Variants in LINGO2 observed in about 807,000 individuals in gnomAD.
The protein encoded by LINGO2 is leucine-rich repeat and immunoglobulin-like domain-containing nogo receptor-interacting protein 2.
In LINGO2, 14 loss-of-function variants were observed where a neutral mutation model predicts 30.6. The ratio of observed to expected loss-of-function variants is 0.46; its 90% CI spans 0.30 to 0.72. The LOEUF (loss-of-function observed/expected upper bound fraction) is 0.72, where lower values mean the gene tolerates loss of function less well. LINGO2 is among the 30% of genes least tolerant of loss of function. LINGO2 has a pLI of 0.07. For missense variants in LINGO2, 729 were observed against 751.7 expected, an observed-to-expected ratio of 0.97 and a Z score of 0.35; for synonymous variants, 317 against 288.5, an observed-to-expected ratio of 1.10 and a Z score of -1.00.
chr9:28,015,625 A>G (rs1563914300), intron 4 of LINGO2, among the ~76,000 whole-genome samples: 1 of 152,146 alleles, frequency 6.6e-6, no homozygotes, highest in African/African-American at 2.4e-5. Flanking sequence ...TTTTGGAAAG[A>G]ATCACAACTA....
the LINGO2 span, among the ~76,000 whole-genome samples, chr9:29,015,915 C>T: frequency 9.9e-5 from 15 of 152,188 alleles, no homozygotes; most frequent in South Asian, 2.1e-3. Flanking sequence ...ATTCAACCCC[C>T]TTCATCACGT....
At chr9:28,056,821 A>G (rs1388819410) in intron 4 of LINGO2, among the ~76,000 whole-genome samples, 3 of 152,206 alleles carry the variant, frequency 2.0e-5, no homozygotes, top group Admixed American at 2.0e-4. Context: ...ATGAAGTGTC[A>G]TTGTGTCTTT....
chr9:27,939,788 T>C, the LINGO2 span: 2 of 152,210 alleles, frequency 1.3e-5, no homozygotes, highest in Non-Finnish European at 2.9e-5. Context: ...ACTAGCATAC[T>C]TGATCTCTTG....
chr9:28,346,246 C>T (rs1819562697), intron 3 of LINGO2, among the ~76,000 whole-genome samples: 2 of 152,214 alleles, frequency 1.3e-5, no homozygotes, highest in Admixed American at 1.3e-4. Flanking sequence ...TGTTCCTCTC[C>T]CAGTATCCAT....
At chr9:29,009,270 T>C in the LINGO2 span, among the ~76,000 whole-genome samples, 1 of 152,198 alleles carries the variant, frequency 6.6e-6, no homozygotes, top group Non-Finnish European at 1.5e-5. Context: ...GACATGATTG[T>C]ATATTTAGAG....
At chr9:28,431,597 CT>C (rs1480922255) in intron 2 of LINGO2, among the ~76,000 whole-genome samples, 3 of 152,132 alleles carry the variant, frequency 2.0e-5, no homozygotes, top group Admixed American at 2.0e-4. Context: ...GATTCAATAA[CT>C]CATGTATAAG....
chr9:28,962,715 T>G, the LINGO2 span, among the ~76,000 whole-genome samples: 1 of 151,882 alleles, frequency 6.6e-6, no homozygotes, highest in Middle Eastern at 3.5e-3. Context: ...TTATCATATA[T>G]ACATCTATTA....
intron 4 of LINGO2, among the ~76,000 whole-genome samples, chr9:28,246,394 T>C (rs1286030581): frequency 6.6e-6 from 1 of 152,036 alleles, no homozygotes; most frequent in Non-Finnish European, 1.5e-5. Context: ...GCCACTGCAC[T>C]CCAGTCTGGG....
the LINGO2 span, among the ~76,000 whole-genome samples, chr9:29,116,931 G>A: frequency 3.3e-5 from 5 of 152,048 alleles, no homozygotes; most frequent in East Asian, 7.7e-4. Flanking sequence ...AGTAGGGGTC[G>A]TCTAATGTTC....
chr9:29,075,635 G>A, the LINGO2 span, among the ~76,000 whole-genome samples: 2 of 152,046 alleles, frequency 1.3e-5, no homozygotes, highest in African/African-American at 2.4e-5. Context: ...TCTCTAATTT[G>A]AGAAGAATTC....
chr9:27,990,859 C>T (rs1386519740), intron 5 of LINGO2, among the ~76,000 whole-genome samples: 1 of 152,014 alleles, frequency 6.6e-6, no homozygotes, highest in Non-Finnish European at 1.5e-5. Flanking sequence ...AGGGATCCCA[C>T]ACTAATTTGC....
chr9:28,163,771 C>G (rs1828352405), intron 4 of LINGO2, among the ~76,000 whole-genome samples: 1 of 152,134 alleles, frequency 6.6e-6, no homozygotes, highest in South Asian at 2.1e-4. Flanking sequence ...CCACACACCC[C>G]ACATCTACAG....
At chr9:28,521,442 G>C (rs117308558) in intron 1 of LINGO2, among the ~76,000 whole-genome samples, 1 of 152,156 alleles carries the variant, frequency 6.6e-6, no homozygotes, top group Non-Finnish European at 1.5e-5. Context: ...AAGTGGGTTT[G>C]TAAGCCATTC....
chr9:29,183,030 T>C, the LINGO2 span, among the ~76,000 whole-genome samples: 1 of 151,976 alleles, frequency 6.6e-6, no homozygotes, highest in Non-Finnish European at 1.5e-5. Flanking sequence ...CAAAAAACAA[T>C]GCAAAATAAA....
the LINGO2 span, among the ~76,000 whole-genome samples, chr9:28,804,698 C>G: frequency 6.6e-6 from 1 of 151,998 alleles, no homozygotes. Context: ...AAATCCAATT[C>G]TTTTCAAAGG....
At chr9:28,603,414 T>C (rs1011811931) in intron 1 of LINGO2, among the ~76,000 whole-genome samples, 1 of 151,926 alleles carries the variant, frequency 6.6e-6, no homozygotes, top group Non-Finnish European at 1.5e-5. Context: ...GATCAAGAAA[T>C]AGACAAACAT....
At chr9:28,678,976 T>A in the LINGO2 span, among the ~76,000 whole-genome samples, 1 of 152,074 alleles carries the variant, frequency 6.6e-6, no homozygotes, top group African/African-American at 2.4e-5. Flanking sequence ...ATTTTGGGGA[T>A]GGTGGATCTT....
intron 3 of LINGO2, among the ~76,000 whole-genome samples, chr9:28,371,931 C>T (rs1820915805): frequency 6.6e-6 from 1 of 152,046 alleles, no homozygotes; most frequent in Admixed American, 6.6e-5. Flanking sequence ...TAGTAATAAG[C>T]AGAAAGTGCT....
chr9:28,765,472 G>A, the LINGO2 span, among the ~76,000 whole-genome samples: 1 of 152,080 alleles, frequency 6.6e-6, no homozygotes, highest in Non-Finnish European at 1.5e-5. Context: ...AGTGAGAGGT[G>A]TTTGGATCAG....
Sources: allele counts gnomAD v4.1 joint callset (sites outside exome capture counted in the v4.1 genomes callset), GRCh38; gene constraint gnomAD v4.1.1; transcripts MANE v1.5; gene names NCBI Gene and HGNC (gene_info 2026-07-23, HGNC 2026-07-21).